The following ADGRV1 variants were observed in gnomAD, a reference collection of about 807,000 sequenced individuals.
ADGRV1 encodes adhesion G protein-coupled receptor V1.
ADGRV1 carries 359 observed loss-of-function variants against 596.2 expected under a neutral mutation model. The observed-to-expected ratio is 0.60, with a 90% confidence interval of 0.55 to 0.66. The LOEUF (loss-of-function observed/expected upper bound fraction) is 0.66, where lower values mean the gene tolerates loss of function less well. ADGRV1 is among the 30% of genes least tolerant of loss of function. ADGRV1 has a pLI of 0.00. For missense variants in ADGRV1, 7,274 were observed against 7,575.6 expected (o/e 0.96, Z 1.48); for synonymous variants, 2,681 against 2,679.2 (o/e 1.00, Z -0.02).
At position 90,725,106 on chromosome 5, in the gene ADGRV1, T is replaced by A. The variant is rs16869042; in HGVS notation, c.9927T>A (p.Pro3309=). The change falls in exon 47 of 90, where the codon CCT becomes CCA. Residue 3309 remains proline (P), a synonymous_variant. Transcript: ENST00000405460. ...TCTAGGATTTAAATATAGAAAATCC[T>A]AAAACTTGTGAGGCCTTTAATATTG... ...IPVEDLNIEN[P]KTCEAFNIGF... The A allele has an allele frequency of 4.5e-6, 7 of 1,538,982 alleles. No homozygotes were observed. The highest frequency in any genetic ancestry group is 3.4e-4 in the Middle Eastern group (2 of 5,828).
chr5:90,813,162 A>AAAAAAAAAC (rs1762598099), intron 74 of ADGRV1, among the ~76,000 whole-genome samples: 1 of 84,002 alleles, frequency 1.2e-5, no homozygotes, highest in Admixed American at 1.6e-4. Flanking sequence ...AAAAAAAAAA[A>AAAAAAAAAC]AATTTATTTG....
At chr5:90,949,632 C>T (rs1359018757) in intron 83 of ADGRV1, among the ~76,000 whole-genome samples, 45 of 152,142 alleles carry the variant, frequency 3.0e-4, no homozygotes, top group Admixed American at 2.9e-3. Flanking sequence ...AGGACATCAC[C>T]TTCCCACTAC....
chr5:90,668,484 G>A (rs946566080), intron 21 of ADGRV1, among the ~76,000 whole-genome samples: 8 of 152,104 alleles, frequency 5.3e-5, no homozygotes, highest in African/African-American at 1.7e-4. Context: ...CATGGTGCGC[G>A]CACCCACTGA....
chr5:90,801,669 G>T (rs567842138), intron 70 of ADGRV1, among the ~76,000 whole-genome samples: 1 of 152,080 alleles, frequency 6.6e-6, no homozygotes, highest in East Asian at 1.9e-4. Flanking sequence ...AGGATGTGTT[G>T]TCTAAATTCA....
At position 90,694,597 on chromosome 5, in the gene ADGRV1, G is replaced by C; in HGVS notation, c.7841G>C (p.Gly2614Ala). ...TLVELMIHRT[G>A]GSLGQVAVEW... ...GTGGAGCTGATGATACACAGGACAG[G>C]GGGCAGCTTAGGTCAAGTGGCAGTC... Residue 2614 changes from glycine to alanine, a missense_variant, in exon 33 of 90, where the codon GGG becomes GCG. By Grantham distance (60) the Gly-to-Ala change is moderately conservative (BLOSUM62 0). Around this residue, in one of 5 missense-constraint regions of ADGRV1, gnomAD observed 3,643 missense variants for 3,809.2 expected, o/e 0.96. Transcript: ENST00000405460. 1 of 1,613,812 alleles carries C rather than the reference G, an allele frequency of 6.2e-7. No homozygotes were observed. The highest frequency in any genetic ancestry group is 8.5e-7 in the Non-Finnish European group (1 of 1,179,810).
At chr5:91,015,140 C>CA (rs1783070027) in intron 85 of ADGRV1, among the ~76,000 whole-genome samples, 1 of 151,886 alleles carries the variant, frequency 6.6e-6, no homozygotes, top group Non-Finnish European at 1.5e-5. Context: ...TTTTTTTACC[C>CA]AAAAATCATT....
At chr5:90,705,369 T>C in intron 36 of ADGRV1, 31 bp from the exon 37 acceptor site, 1 of 1,598,722 alleles carries the variant, frequency 6.3e-7, no homozygotes. Flanking sequence ...TAATGCCAAA[T>C]CACTGTTAGA....
rs111907865 is a variant in ADGRV1 at position 90,779,268 on chromosome 5, GT to G, written c.13082+182del. The G allele has an allele frequency of 8.2e-3, 2,944 of 357,932 alleles. 1 individual carries two copies. The highest frequency in any genetic ancestry group is 0.011 in the East Asian group (257 of 22,940). The allele number at this position is 357,932 out of a possible 1,614,324, so 22.2% of individuals were successfully genotyped here. ...CAAGGGAAATTATGACAATGACTGA[GT>G]TTTTTTTTTTAATTTTGTTAAATAT... On this transcript the variant is annotated intron_variant, in intron 64 of 89. Transcript: ENST00000405460.
chr5:90,734,014 C>T (rs994488731), intron 50 of ADGRV1, among the ~76,000 whole-genome samples: 3 of 152,146 alleles, frequency 2.0e-5, no homozygotes, highest in African/African-American at 7.2e-5. Flanking sequence ...TGAGATCATG[C>T]AGTATTTGTC....
intron 83 of ADGRV1, among the ~76,000 whole-genome samples, chr5:90,926,286 A>G (rs2150769156): frequency 6.6e-6 from 1 of 152,012 alleles, no homozygotes; most frequent in African/African-American, 2.4e-5. Flanking sequence ...TTGGTAAACT[A>G]TTGATTATTG....
At chr5:90,644,106 G>T in intron 14 of ADGRV1, 123 bp downstream of exon 14, 1 of 680,862 alleles carries the variant, frequency 1.5e-6, no homozygotes, top group Non-Finnish European at 2.3e-6. Flanking sequence ...ATTACACATA[G>T]TGCGGAAGTT....
Position 90,753,609 on chromosome 5 carries a change from C to A in ADGRV1, c.11157C>A (p.Ile3719=), listed in dbSNP as rs762094907. ...CTGAAGGCCAGGTACTGTCAACAAT[C>A]ACTCTAACTATTCTTGCTGATAATA... ...LFTEGQVLST[I]TLTILADNIP... The change falls in exon 54 of 90, where the codon ATC becomes ATA. Residue 3719 remains isoleucine (I), a synonymous_variant. Transcript: ENST00000405460. The A allele has an allele frequency of 3.1e-6, 5 of 1,610,788 alleles. No homozygotes were observed. The highest frequency in any genetic ancestry group is 4.2e-6 in the Non-Finnish European group (5 of 1,177,196).
intron 86 of ADGRV1, among the ~76,000 whole-genome samples, chr5:91,095,056 G>A (rs543610204): frequency 6.9e-4 from 105 of 152,290 alleles, no homozygotes; most frequent in African/African-American, 2.4e-3. Flanking sequence ...GGGTTTTCAA[G>A]AGCTCTTTTG....
rs1470757641 is a variant in ADGRV1, at chr5:90,783,962, C to A, written c.13558C>A (p.Leu4520Ile). The A allele has an allele frequency of 4.3e-6, 7 of 1,612,278 alleles. No homozygotes were observed. Among genetic ancestry groups the A allele is most frequent in the Non-Finnish European group, 5.9e-6 (7 of 1,179,272 alleles). Residue 4520 changes from leucine (L) to isoleucine (I), a missense_variant, in exon 67 of 90, where the codon CTC (leucine) becomes ATC (isoleucine). Transcript: ENST00000405460. ...CTCTCCCTTTGGAGTTATAAGGTTT[C>A]TCAATCAAAGCAAAATTTCTATTGC... is the stretch of plus-strand genomic sequence containing the variant. ...SDSPFGVIRF[L>I]NQSKISIANP...
chr5:90,568,777 T>A (rs1375436334), intron 1 of ADGRV1, among the ~76,000 whole-genome samples: 1 of 152,220 alleles, frequency 6.6e-6, no homozygotes, highest in Non-Finnish European at 1.5e-5. Context: ...TTTTAATTCA[T>A]GTGTTTTGGG....
chr5:90,685,638 AT>A (rs1745522660), intron 28 of ADGRV1, 141 bp from the exon 29 acceptor site: 2 of 270,246 alleles, frequency 7.4e-6, no homozygotes, highest in Non-Finnish European at 1.3e-5. Context: ...AAATAAATAA[AT>A]AAAATAAATA....
chr5:90,865,247 T>A lies in ADGRV1; in HGVS notation c.17856+1390T>A, dbSNP rs541164841. Among the ~76,000 whole-genome samples, 4 of 152,294 alleles carry A rather than the reference T, an allele frequency of 2.6e-5. No individual in the cohort carries two copies. The East Asian group carries it at 7.7e-4, about 29-fold the overall frequency. On this transcript the variant is annotated intron_variant, in intron 83 of 89. Transcript: ENST00000405460. ...TATTGCCTTTGTAACCTGCCTTAGC[T>A]GTCTGATCTCGCCTTTGCTTCTTGA...
Position 90,690,897 on chromosome 5 carries a change from T to C in ADGRV1, c.6807T>C (p.Thr2269=). ...IRNSGTLGNV[T]VQWVATINGQ... ...ATTCTGGGACACTCGGCAATGTTAC[T>C]GTTCAGTGGGTTGCCACCATTAATG... is the stretch of plus-strand genomic sequence containing the variant. Residue 2269 remains threonine, a synonymous_variant, in exon 31 of 90, where the codon ACT becomes ACC. Coordinates refer to ENST00000405460, the MANE Select transcript of ADGRV1 (RefSeq NM_032119.4). 5 of 1,613,770 alleles carry C rather than the reference T, an allele frequency of 3.1e-6. No individual in the cohort carries two copies. The East Asian group carries it at 6.7e-5, about 22-fold the overall frequency.
At chr5:90,590,493 G>C (rs920920809) in intron 1 of ADGRV1, among the ~76,000 whole-genome samples, 10 of 152,178 alleles carry the variant, frequency 6.6e-5, no homozygotes, top group African/African-American at 1.9e-4. Flanking sequence ...GGCAGTCTTA[G>C]GTAGTCAGAT....
Sources: gnomAD v4.1 joint callset for allele counts (sites outside exome capture counted in the v4.1 genomes callset) on GRCh38, gnomAD v4.1.1 for gene constraint, gnomAD v4.1.1 regional missense constraint, MANE v1.5 for transcripts, NCBI Gene and HGNC (gene_info 2026-07-23, HGNC 2026-07-21) for gene names.